Variants in ZFHX3 observed in about 807,000 individuals in gnomAD.
The protein encoded by ZFHX3 is zinc finger homeobox 3.
ZFHX3 carries 42 observed loss-of-function variants against 279.1 expected under a neutral mutation model. That is an observed-to-expected ratio of 0.15 (90% CI 0.12 to 0.19). The LOEUF (loss-of-function observed/expected upper bound fraction) is 0.19. ZFHX3 is among the 10% of genes least tolerant of loss of function. The probability of loss-of-function intolerance (pLI) is 1.00; values close to 1 mark genes in which losing one functional copy is unlikely to be tolerated. For missense variants in ZFHX3, 4,981 were observed against 4,754.0 expected, an observed-to-expected ratio of 1.05 and a Z score of -1.40; for synonymous variants, 2,293 against 1,957.8, an observed-to-expected ratio of 1.17 and a Z score of -4.52.
chr16:73,448,216 A>G (rs2018220412), intron 3 of ZFHX3, among the ~76,000 whole-genome samples: 1 of 151,224 alleles, frequency 6.6e-6, no homozygotes, highest in Non-Finnish European at 1.5e-5. Context: ...GTTGAGGATA[A>G]TAACTTTAAA....
At chr16:73,034,319 A>G (rs1236289236) in intron 1 of ZFHX3, among the ~76,000 whole-genome samples, 1 of 152,208 alleles carries the variant, frequency 6.6e-6, no homozygotes, top group Non-Finnish European at 1.5e-5. Context: ...TAAGAGAAGA[A>G]GGCGAGGGGA....
At chr16:73,546,778 C>G (rs1215955051) in intron 2 of ZFHX3, among the ~76,000 whole-genome samples, 2 of 150,278 alleles carry the variant, frequency 1.3e-5, no homozygotes, top group African/African-American at 4.9e-5. Flanking sequence ...TTTAATCAGG[C>G]AGACATTTGG....
chr16:72,963,661 C>T (rs1404936578), intron 1 of ZFHX3, among the ~76,000 whole-genome samples: 1 of 152,124 alleles, frequency 6.6e-6, no homozygotes, highest in African/African-American at 2.4e-5. Flanking sequence ...ACCCTGTTAC[C>T]CTGTATCTCC....
At chr16:72,818,125 A>G (rs574647547) in intron 5 of ZFHX3, among the ~76,000 whole-genome samples, 2 of 152,322 alleles carry the variant, frequency 1.3e-5, no homozygotes, top group East Asian at 1.9e-4. Flanking sequence ...CTGAGTTGGG[A>G]TAACTATTCC....
At chr16:73,626,374 C>A (rs112076754) in intron 2 of ZFHX3, among the ~76,000 whole-genome samples, 2 of 151,992 alleles carry the variant, frequency 1.3e-5, no homozygotes, top group African/African-American at 4.8e-5. Flanking sequence ...CCCCTCCCCC[C>A]GCCAAAGGAG....
intron 5 of ZFHX3, among the ~76,000 whole-genome samples, chr16:73,163,013 G>T (rs1271195835): frequency 1.4e-4 from 21 of 152,160 alleles, no homozygotes; most frequent in Admixed American, 1.4e-3. Context: ...GGTGTTTTCT[G>T]TAGCTTTTCC....
chr16:73,411,840 T>C (rs934665383), intron 3 of ZFHX3, among the ~76,000 whole-genome samples: 6 of 152,220 alleles, frequency 3.9e-5, no homozygotes, highest in African/African-American at 1.2e-4. Context: ...TGAATTTCTA[T>C]GGCCTGCCTG....
chr16:73,243,839 C>G (rs1023887063), intron 5 of ZFHX3, among the ~76,000 whole-genome samples: 3 of 151,956 alleles, frequency 2.0e-5, no homozygotes, highest in African/African-American at 4.8e-5. Context: ...ATTCAGCAAC[C>G]ATGTTACTTA....
At chr16:72,851,566 T>A (rs951096974) in intron 4 of ZFHX3, among the ~76,000 whole-genome samples, 3 of 152,178 alleles carry the variant, frequency 2.0e-5, no homozygotes, top group Non-Finnish European at 4.4e-5. Context: ...TTCACTTTTT[T>A]TTTTTTAAGA....
At chr16:73,292,976 G>A (rs531861935) in intron 4 of ZFHX3, among the ~76,000 whole-genome samples, 52 of 152,352 alleles carry the variant, frequency 3.4e-4, no homozygotes, top group African/African-American at 1.2e-3. Context: ...GGGATTCAGA[G>A]ATGGCATCTA....
chr16:73,885,940 C>T (rs2030332212), intron 1 of ZFHX3, among the ~76,000 whole-genome samples: 2 of 152,312 alleles, frequency 1.3e-5, no homozygotes, highest in South Asian at 2.1e-4. Context: ...TATAAACAAA[C>T]TTTCCCTGAC....
chr16:73,723,906 A>G (rs2142240952), intron 1 of ZFHX3, among the ~76,000 whole-genome samples: 1 of 152,358 alleles, frequency 6.6e-6, no homozygotes, highest in Admixed American at 6.5e-5. Context: ...TAAGCATTGA[A>G]GAAAACAATC....
chr16:72,861,163 C>T (rs2037880269), intron 4 of ZFHX3, among the ~76,000 whole-genome samples: 1 of 152,210 alleles, frequency 6.6e-6, no homozygotes, highest in South Asian at 2.1e-4. Flanking sequence ...TGCTTGGTAC[C>T]AACTGTCCCC....
At chr16:72,800,171 G>C (rs367908326) in intron 7 of ZFHX3, 42 bp from the exon 8 acceptor site, 2 of 1,522,588 alleles carry the variant, frequency 1.3e-6, no homozygotes, top group Non-Finnish European at 1.8e-6. Context: ...AGAGGAAAGC[G>C]ACACAAAATA....
At chr16:73,233,879 T>C (rs978421197) in intron 5 of ZFHX3, 3 of 152,170 alleles carry the variant, frequency 2.0e-5, no homozygotes, top group Non-Finnish European at 4.4e-5. Context: ...TGCTTCCTTA[T>C]TTAGGACTCC....
chr16:73,127,625 G>T, intron 7 of ZFHX3: 1 of 1,272,630 alleles, frequency 7.9e-7, no homozygotes, highest in Non-Finnish European at 1.0e-6. Flanking sequence ...AAAGGAACAG[G>T]GTGCAGACTG....
At chr16:73,041,340 T>C (rs76812166) in intron 1 of ZFHX3, among the ~76,000 whole-genome samples, 2,483 of 149,384 alleles carry the variant, frequency 0.017, 67 homozygotes, top group African/African-American at 0.057. Context: ...TTTCCCCAAA[T>C]ATACCTCTGG....
At chr16:72,801,663 C>A (rs2036105158) in intron 7 of ZFHX3, among the ~76,000 whole-genome samples, 1 of 152,154 alleles carries the variant, frequency 6.6e-6, no homozygotes, top group Admixed American at 6.5e-5. Flanking sequence ...TGTGACATAG[C>A]ATTCTTGCCC....
At chr16:73,177,418 G>A (rs1967689424) in intron 5 of ZFHX3, among the ~76,000 whole-genome samples, 2 of 152,298 alleles carry the variant, frequency 1.3e-5, no homozygotes, top group Middle Eastern at 3.4e-3. Context: ...TTTCTTTAAT[G>A]TGACACATAT....
Sources: allele counts gnomAD v4.1 joint callset (sites outside exome capture counted in the v4.1 genomes callset), GRCh38; gene constraint gnomAD v4.1.1; transcripts MANE v1.5; gene names NCBI Gene and HGNC (gene_info 2026-07-23, HGNC 2026-07-21).